Variants in DSN1 observed in about 807,000 individuals in gnomAD.
DSN1 encodes kinetochore-associated protein DSN1 homolog.
A neutral mutation model predicts 45.7 loss-of-function variants in DSN1; 31 were observed. That is an observed-to-expected ratio of 0.68 (90% CI 0.51 to 0.92). DSN1 has a LOEUF of 0.92. Among genes scored for constraint, DSN1 ranks in the 40% least tolerant of loss-of-function variants. DSN1 has a pLI of 0.00. For synonymous variants in DSN1, 134 were observed against 142.3 expected (o/e 0.94, Z 0.41); for missense variants, 394 against 414.2 (o/e 0.95, Z 0.42).
At chr20:36,768,603 C>T (rs1408187560) in intron 3 of DSN1, among the ~76,000 whole-genome samples, 2 of 152,198 alleles carry the variant, frequency 1.3e-5, no homozygotes, top group Non-Finnish European at 2.9e-5. Context: ...TCTTGAACTC[C>T]TGGCCTCAAG....
Position 36,756,317 on chromosome 20 carries a change from G to A in DSN1, c.726-488C>T, listed in dbSNP as rs569528241. ...TCTGAAACAATTGTCTAGTATTCAT[G>A]TCTTTATACCTCCGGACTCCAGGAA... On this transcript the variant is annotated intron_variant, in intron 8 of 10. Coordinates refer to ENST00000373750, the MANE Select transcript of DSN1 (RefSeq NM_001145315.2). Among the ~76,000 whole-genome samples the A allele has an allele frequency of 9.9e-5, 15 of 152,194 alleles. 1 individual carries two copies. The highest frequency in any genetic ancestry group is 3.4e-4 in the African/African-American group (14 of 41,544).
At chr20:36,753,606 C>T (rs1445081828) in intron 10 of DSN1, among the ~76,000 whole-genome samples, 1 of 145,956 alleles carries the variant, frequency 6.9e-6, no homozygotes, top group Non-Finnish European at 1.5e-5. Context: ...CCACTGCACT[C>T]TAGCCTGGGC....
chr20:36,758,332 C>T (rs1986785528), intron 7 of DSN1, among the ~76,000 whole-genome samples, 171 bp from the exon 8 acceptor site: 1 of 152,160 alleles, frequency 6.6e-6, no homozygotes, highest in Admixed American at 6.6e-5. Context: ...CATATCAAAC[C>T]TGAGTTCTTC....
chr20:36,756,050 G>A (rs1419494772), intron 8 of DSN1, among the ~76,000 whole-genome samples: 1 of 151,646 alleles, frequency 6.6e-6, no homozygotes. Flanking sequence ...CTCAGGTCTC[G>A]GCTCACTGCA....
intron 3 of DSN1, 72 bp downstream of exon 3, chr20:36,770,801 C>CCTCTTATCTGAGCTGGAACCTGT (rs898472081): frequency 2.7e-6 from 4 of 1,502,110 alleles, no homozygotes; most frequent in East Asian, 2.3e-5. Context: ...TACCTCACTG[C>CCTCTTATCTGAGCTGGAACCTGT]CTCTTATCTG....
chr20:36,757,832 G>A (rs56317999), intron 8 of DSN1, among the ~76,000 whole-genome samples: 3,535 of 152,290 alleles, frequency 0.023, 86 homozygotes, highest in South Asian at 0.11. Context: ...TCTCCCCCAG[G>A]ATATGAAATG....
intron 10 of DSN1, among the ~76,000 whole-genome samples, chr20:36,753,109 C>T (rs563362205): frequency 2.7e-5 from 4 of 149,046 alleles, no homozygotes; most frequent in Non-Finnish European, 5.9e-5. Context: ...TTTGGGAGAC[C>T]AAGGCGGGAC....
intron 5 of DSN1, among the ~76,000 whole-genome samples, chr20:36,763,050 A>T (rs1451951564): frequency 6.6e-6 from 1 of 152,242 alleles, no homozygotes; most frequent in Non-Finnish European, 1.5e-5. Flanking sequence ...CACTGTGCCC[A>T]GCCTTTATGA....
At chr20:36,763,410 G>GGA (rs776462275) in intron 5 of DSN1, among the ~76,000 whole-genome samples, 1 of 84,100 alleles carries the variant, frequency 1.2e-5, no homozygotes, top group Non-Finnish European at 2.0e-5. Flanking sequence ...CTCAAAAAAA[G>GGA]AAAAAAAAAA....
chr20:36,760,656 G>C (rs1986927488), intron 6 of DSN1, among the ~76,000 whole-genome samples: 1 of 152,162 alleles, frequency 6.6e-6, no homozygotes, highest in Non-Finnish European at 1.5e-5. Context: ...GGGAGGCCAG[G>C]AAGGGTGGAT....
chr20:36,761,585 G>A, intron 6 of DSN1, among the ~76,000 whole-genome samples: 1 of 152,076 alleles, frequency 6.6e-6, no homozygotes. Flanking sequence ...AAATAGGCCG[G>A]CGCGGTGGCT....
intron 6 of DSN1, among the ~76,000 whole-genome samples, chr20:36,760,410 G>A (rs572118139): frequency 6.6e-6 from 1 of 152,280 alleles, no homozygotes; most frequent in South Asian, 2.1e-4. Flanking sequence ...AATGAGTGGG[G>A]TAATTAATTC....
At position 36,758,565 on chromosome 20, in the gene DSN1, T is replaced by C. The variant is rs1986798422; in HGVS notation, c.643A>G (p.Ile215Val). 1.9e-6 allele frequency: 3 copies of C among 1,609,086 alleles called. No homozygotes were observed. Among genetic ancestry groups the C allele is most frequent in the Non-Finnish European group, 1.7e-6 (2 of 1,178,784 alleles). ...TAACAAAGGTTAACTTACTTTGTTA[T>C]GTATTCCTTCATCTCAGCCACAGAT... ...EASVAEMKEY[I>V]TKFSLERQTW... Residue 215 changes from isoleucine to valine, a missense_variant, in exon 7 of 11, where the codon ATA becomes GTA. Physicochemically the swap from Ile to Val is conservative, Grantham distance 29. Transcript: ENST00000373750.
intron 3 of DSN1, 128 bp downstream of exon 3, chr20:36,770,745 A>T (rs1987599860): frequency 9.8e-7 from 1 of 1,019,142 alleles, no homozygotes; most frequent in Non-Finnish European, 1.4e-6. Flanking sequence ...TGACATCAGT[A>T]CTTATAAAGT....
chr20:36,756,190 CAG>C (rs1434157716), intron 8 of DSN1, among the ~76,000 whole-genome samples: 2 of 152,230 alleles, frequency 1.3e-5, no homozygotes, highest in East Asian at 3.9e-4. Context: ...CCATGTTGGC[CAG>C]GCTGGTCTCG....
chr20:36,765,624 C>T (rs982485845), intron 5 of DSN1, among the ~76,000 whole-genome samples: 3 of 151,462 alleles, frequency 2.0e-5, no homozygotes, highest in African/African-American at 7.3e-5. Flanking sequence ...TGGTGAAACC[C>T]CGGCTCTACA....
At chr20:36,756,276 G>T (rs1986674164) in intron 8 of DSN1, among the ~76,000 whole-genome samples, 1 of 152,090 alleles carries the variant, frequency 6.6e-6, no homozygotes, top group Non-Finnish European at 1.5e-5. Context: ...CACCGCGCCT[G>T]GCCTTAACAA....
intron 3 of DSN1, 52 bp downstream of exon 3, chr20:36,770,821 C>A: frequency 6.5e-7 from 1 of 1,540,276 alleles, no homozygotes. Context: ...GAGCTGGAAC[C>A]TGTCTCTTAT....
In DSN1 at chr20:36,752,459, T is replaced by G. The variant is rs886385588; in HGVS notation, c.*329A>C. The G allele has an allele frequency of 3.3e-5, 7 of 213,740 alleles. No individual in the cohort carries two copies. The highest frequency in any genetic ancestry group is 1.6e-4 in the African/African-American group (7 of 43,474). 13.2% of individuals were successfully genotyped at this position (213,740 alleles called of 1,614,324 possible). On this transcript the variant is annotated 3_prime_UTR_variant, in exon 11 of 11. Transcript: ENST00000373750. ...GGCCACTAAAATGTTTCCTTAGACT[T>G]GGTCCTAAATGATTTTTGGATTGTT...
Sources: gnomAD v4.1 joint callset for allele counts (sites outside exome capture counted in the v4.1 genomes callset) on GRCh38, gnomAD v4.1.1 for gene constraint, MANE v1.5 for transcripts, NCBI Gene and HGNC (gene_info 2026-07-23, HGNC 2026-07-21) for gene names.